The following HECW1 variants were observed in gnomAD, a reference collection of about 807,000 sequenced individuals.
HECW1 encodes the protein E3 ubiquitin-protein ligase HECW1.
Under a neutral mutation model 182.3 loss-of-function variants are expected in HECW1, and 61 were observed. That is an observed-to-expected ratio of 0.33 (90% confidence interval 0.27 to 0.41). The LOEUF is 0.41. HECW1 is among the 10% of genes least tolerant of loss of function. The probability of loss-of-function intolerance (pLI) is 1.00; values close to 1 mark genes in which losing one functional copy is unlikely to be tolerated. For missense variants in HECW1, 1,739 were observed against 2,108.9 expected, an observed-to-expected ratio of 0.82 and a Z score of 3.44; for synonymous variants, 859 against 832.6, an observed-to-expected ratio of 1.03 and a Z score of -0.55.
chr7:43,541,063 T>C (rs926337525), intron 24 of HECW1, 100 bp from the exon 25 acceptor site: 2 of 930,024 alleles, frequency 2.2e-6, no homozygotes, highest in Admixed American at 3.6e-5. Context: ...CTTAAGCAGC[T>C]TAAGATGAAT....
intron 3 of HECW1, among the ~76,000 whole-genome samples, chr7:43,302,613 C>T (rs868462552): frequency 1.3e-5 from 2 of 152,146 alleles, no homozygotes; most frequent in Non-Finnish European, 1.5e-5. Flanking sequence ...GGTACGGGGC[C>T]GCCCCGGGAG....
chr7:43,480,600 GGTGA>G (rs898159249), intron 17 of HECW1, among the ~76,000 whole-genome samples: 1 of 151,540 alleles, frequency 6.6e-6, no homozygotes, highest in Admixed American at 6.6e-5. Context: ...TGTGTATGTA[GGTGA>G]GTGAGTTTGT....
chr7:43,488,324 G>GAGGAAGGA (rs200213322), intron 17 of HECW1, among the ~76,000 whole-genome samples: 37 of 42,226 alleles, frequency 8.8e-4, no homozygotes, highest in African/African-American at 1.2e-3. Context: ...AAGAAAGAAA[G>GAGGAAGGA]AGGAAGGAAG....
chr7:43,267,088 A>G (rs1210963597), intron 3 of HECW1, among the ~76,000 whole-genome samples: 1 of 152,162 alleles, frequency 6.6e-6, no homozygotes, highest in Non-Finnish European at 1.5e-5. Flanking sequence ...ATTATTTTGC[A>G]CATAAAAAAG....
intron 29 of HECW1, among the ~76,000 whole-genome samples, chr7:43,557,088 T>TA (rs76358585): frequency 0.47 from 71,689 of 151,800 alleles, 17,689 homozygotes; most frequent in Non-Finnish European, 0.56. Context: ...TCAAAGAACC[T>TA]AAAAAAATGT....
intron 2 of HECW1, chr7:43,118,054 CA>C (rs1201998771): frequency 1.0e-4 from 16 of 152,648 alleles, no homozygotes; most frequent in African/African-American, 3.9e-4. Flanking sequence ...AAGCCGGTAC[CA>C]GGGGGGCGGG....
At chr7:43,115,525 G>A (rs1784972171) in intron 2 of HECW1, among the ~76,000 whole-genome samples, 1 of 152,104 alleles carries the variant, frequency 6.6e-6, no homozygotes, top group South Asian at 2.1e-4. Flanking sequence ...ATTGACAATG[G>A]CATGAGACTT....
chr7:43,501,835 A>AG, intron 21 of HECW1, among the ~76,000 whole-genome samples: 1 of 152,310 alleles, frequency 6.6e-6, no homozygotes, highest in East Asian at 1.9e-4. Flanking sequence ...TATCTAAAAA[A>AG]AAATAAAAAA....
intron 5 of HECW1, among the ~76,000 whole-genome samples, chr7:43,342,702 G>C (rs1420376420): frequency 6.6e-6 from 1 of 151,640 alleles, no homozygotes; most frequent in South Asian, 2.1e-4. Context: ...TGACATATTA[G>C]CAGATTTAAG....
Position 43,444,099 on chromosome 7 carries a change from C to T in HECW1, c.1046-119C>T. 1 of 1,046,204 alleles carries T rather than the reference C, an allele frequency of 9.6e-7. No homozygotes were observed. The highest frequency in any genetic ancestry group is 2.5e-5 in the East Asian group (1 of 39,404). The allele number at this position is 1,046,204 out of a possible 1,614,324, so 64.8% of individuals were successfully genotyped here. ...TGGCCAGTGAGAAACCCTCATCAAC[C>T]TACATTCAATATCCTAATGTAGAAA... is the stretch of plus-strand genomic sequence containing the variant. On this transcript the variant is annotated intron_variant, in intron 10 of 29. Transcript: ENST00000395891. This position sits in a 1 kb window ranked among gnomAD's most constrained non-coding sequence, Gnocchi z 4.3.
intron 2 of HECW1, among the ~76,000 whole-genome samples, chr7:43,149,891 C>T (rs1789112705): frequency 6.6e-6 from 1 of 151,676 alleles, no homozygotes; most frequent in Non-Finnish European, 1.5e-5. Flanking sequence ...CTTTTTTCAT[C>T]AAAAAAAGTA....
At chr7:43,486,680 A>G (rs1298474606) in intron 17 of HECW1, among the ~76,000 whole-genome samples, 2 of 152,214 alleles carry the variant, frequency 1.3e-5, no homozygotes, top group Non-Finnish European at 2.9e-5. Context: ...TTTCAGCTCT[A>G]TTATAAGCTT....
At chr7:43,364,334 T>G (rs931895539) in intron 6 of HECW1, among the ~76,000 whole-genome samples, 2 of 152,260 alleles carry the variant, frequency 1.3e-5, no homozygotes, top group Non-Finnish European at 2.9e-5. Flanking sequence ...AAAGAGGTTG[T>G]CTTCTACTCT....
chr7:43,455,639 A>G (rs2077376224), intron 12 of HECW1, among the ~76,000 whole-genome samples: 1 of 152,246 alleles, frequency 6.6e-6, no homozygotes, highest in Non-Finnish European at 1.5e-5. Context: ...TAAAGAAATA[A>G]ATTCATTAAA....
At position 43,243,788 on chromosome 7, in the gene HECW1, G is replaced by A. The variant is rs1799107716; in HGVS notation, c.-31-87G>A. ...GGCCAGGTATCTTGGCGGGGGTGGG[G>A]GAAACAATGTTGTTTGTGTGGGTAA... On this transcript the variant is annotated intron_variant, in intron 2 of 29. Coordinates refer to ENST00000395891, the MANE Select transcript of HECW1 (RefSeq NM_015052.5). This position sits in a 1 kb window ranked among gnomAD's most constrained non-coding sequence, Gnocchi z 4.0. 1 of 1,046,654 alleles carries A rather than the reference G, an allele frequency of 9.6e-7. No individual in the cohort carries two copies. 64.8% of individuals were successfully genotyped at this position (1,046,654 alleles called of 1,614,324 possible). A position where few individuals can be genotyped will look rare whatever the true frequency, so the allele number is the denominator to read the frequency against.
At chr7:43,123,626 G>A (rs1036276235) in intron 2 of HECW1, among the ~76,000 whole-genome samples, 3 of 152,182 alleles carry the variant, frequency 2.0e-5, no homozygotes, top group African/African-American at 7.2e-5. Context: ...AAGTTTCTGT[G>A]GTTTTTGCCT....
At chr7:43,224,186 A>T (rs78576626) in intron 2 of HECW1, among the ~76,000 whole-genome samples, 263 of 152,352 alleles carry the variant, frequency 1.7e-3, no homozygotes, top group South Asian at 7.7e-3. Context: ...GAATGAATAG[A>T]TGTATTTGCT....
At chr7:43,557,189 C>T (rs996328782) in intron 29 of HECW1, among the ~76,000 whole-genome samples, 7 of 152,168 alleles carry the variant, frequency 4.6e-5, no homozygotes, top group Admixed American at 2.0e-4. Flanking sequence ...TGACAGGAAG[C>T]CCTGAGCAGG....
intron 16 of HECW1, among the ~76,000 whole-genome samples, chr7:43,478,009 TG>T (rs2078282835): frequency 1.3e-5 from 2 of 151,044 alleles, no homozygotes; most frequent in African/African-American, 4.9e-5. Flanking sequence ...AGGGTTTTGT[TG>T]AAAAAAAAGG....
Sources: gnomAD v4.1 joint callset for allele counts (sites outside exome capture counted in the v4.1 genomes callset) on GRCh38, gnomAD v4.1.1 for gene constraint, Gnocchi (gnomAD v3.1) non-coding constraint, MANE v1.5 for transcripts, NCBI Gene and HGNC (gene_info 2026-07-23, HGNC 2026-07-21) for gene names.